The following SWAP70 variants were observed in gnomAD, a reference collection of about 807,000 sequenced individuals.
SWAP70 encodes the protein switching B cell complex subunit SWAP70.
In SWAP70, 34 loss-of-function variants were observed where a neutral mutation model predicts 80.2. The observed-to-expected ratio is 0.42, with a 90% CI of 0.32 to 0.56. The LOEUF (loss-of-function observed/expected upper bound fraction) is 0.56, where lower values mean the gene tolerates loss of function less well. Among genes scored for constraint, SWAP70 ranks in the 20% least tolerant of loss-of-function variants. The pLI is 0.09. For synonymous variants in SWAP70, 239 were observed against 238.5 expected (o/e 1.00, Z -0.02); for missense variants, 578 against 690.7 (o/e 0.84, Z 1.83).
chr11:9,694,323 T>C (rs1350905320), intron 2 of SWAP70, 37 bp downstream of exon 2: 1 of 1,558,158 alleles, frequency 6.4e-7, no homozygotes, highest in Admixed American at 1.9e-5. Context: ...TAGCATTGTT[T>C]GGTTTGCATG....
intron 7 of SWAP70, among the ~76,000 whole-genome samples, chr11:9,735,760 C>T (rs1466608967): frequency 6.6e-6 from 1 of 152,122 alleles, no homozygotes; most frequent in Non-Finnish European, 1.5e-5. Context: ...CAGGAGTTCC[C>T]TTGTGTGTGG....
intron 1 of SWAP70, among the ~76,000 whole-genome samples, chr11:9,675,371 GAGAGA>G (rs1850481018): frequency 2.2e-5 from 1 of 46,122 alleles, no homozygotes; most frequent in Non-Finnish European, 5.4e-5. Context: ...GAGAGAGAGA[GAGAGA>G]GAGAGAGAGA....
chr11:9,739,453 T>A (rs6483651), intron 8 of SWAP70, among the ~76,000 whole-genome samples: 15,128 of 152,244 alleles, frequency 0.099, 1,911 homozygotes, highest in East Asian at 0.28. Context: ...TTCTTTAAGT[T>A]CAGGATTATC....
chr11:9,725,659 C>A (rs1253935502), intron 4 of SWAP70, among the ~76,000 whole-genome samples: 1 of 149,010 alleles, frequency 6.7e-6, no homozygotes, highest in Non-Finnish European at 1.5e-5. Context: ...GCAACCTCCG[C>A]CTCCCGGGTT....
At chr11:9,741,956 A>G (rs982702010) in intron 9 of SWAP70, 1 of 149,540 alleles carries the variant, frequency 6.7e-6, no homozygotes, top group African/African-American at 2.4e-5. Context: ...AAAAAAAAAA[A>G]AAGTCTACTT....
At chr11:9,694,328 T>C (rs767862214) in intron 2 of SWAP70, 42 bp downstream of exon 2, 73 of 1,552,892 alleles carry the variant, frequency 4.7e-5, no homozygotes, top group Non-Finnish European at 6.0e-5. Context: ...TTGTTTGGTT[T>C]GCATGTTTCA....
At chr11:9,680,236 A>G (rs1850550431) in intron 1 of SWAP70, among the ~76,000 whole-genome samples, 1 of 152,212 alleles carries the variant, frequency 6.6e-6, no homozygotes, top group Admixed American at 6.5e-5. Flanking sequence ...ATATATAAAC[A>G]AGTTCTAGAG....
chr11:9,685,314 G>A (rs1043872725), intron 1 of SWAP70, among the ~76,000 whole-genome samples: 4 of 152,050 alleles, frequency 2.6e-5, no homozygotes, highest in Admixed American at 2.0e-4. Flanking sequence ...AATTTTACTG[G>A]TGCTTTCTAG....
intron 2 of SWAP70, among the ~76,000 whole-genome samples, chr11:9,701,565 C>G (rs1850832189): frequency 1.3e-5 from 2 of 150,990 alleles, no homozygotes; most frequent in Admixed American, 1.3e-4. Flanking sequence ...GGAGGATCAC[C>G]TGAGCCCAGG....
At chr11:9,667,586 AC>A (rs1330170926) in intron 1 of SWAP70, among the ~76,000 whole-genome samples, 10 of 151,660 alleles carry the variant, frequency 6.6e-5, no homozygotes, top group Non-Finnish European at 5.9e-5. Context: ...TTTTTTGGAG[AC>A]AAGGTCTTTT....
intron 2 of SWAP70, among the ~76,000 whole-genome samples, chr11:9,710,003 A>C (rs1302291482): frequency 1.3e-5 from 2 of 152,182 alleles, no homozygotes; most frequent in East Asian, 3.8e-4. Context: ...CATTCAGTGG[A>C]AGTGGATCAT....
At chr11:9,664,660 C>G (rs529151317) in intron 1 of SWAP70, among the ~76,000 whole-genome samples, 1 of 152,214 alleles carries the variant, frequency 6.6e-6, no homozygotes, top group African/African-American at 2.4e-5. Context: ...CAGAATTTTC[C>G]TCTTACTCCA....
intron 1 of SWAP70, among the ~76,000 whole-genome samples, chr11:9,666,882 G>A (rs2134410520): frequency 6.6e-6 from 1 of 151,860 alleles, no homozygotes; most frequent in Middle Eastern, 3.4e-3. Flanking sequence ...GTGCCACCAA[G>A]CCTGGCTAAT....
intron 8 of SWAP70, among the ~76,000 whole-genome samples, chr11:9,739,059 C>CCT (rs1281039428): frequency 6.6e-6 from 1 of 152,166 alleles, no homozygotes; most frequent in African/African-American, 2.4e-5. Flanking sequence ...TGGTATATCT[C>CCT]CTCTGTAATA....
intron 6 of SWAP70, among the ~76,000 whole-genome samples, chr11:9,730,624 T>C (rs1851285286): frequency 6.6e-6 from 1 of 152,194 alleles, no homozygotes; most frequent in Non-Finnish European, 1.5e-5. Flanking sequence ...AAAGTGGCCA[T>C]CTTGAGCTTG....
intron 9 of SWAP70, among the ~76,000 whole-genome samples, chr11:9,743,872 A>G (rs1000149433): frequency 3.3e-5 from 5 of 152,198 alleles, no homozygotes; most frequent in African/African-American, 9.6e-5. Flanking sequence ...GTCTCTTAAA[A>G]AGACAGTGTC....
At chr11:9,713,979 A>G (rs997559847) in intron 3 of SWAP70, among the ~76,000 whole-genome samples, 7 of 152,218 alleles carry the variant, frequency 4.6e-5, no homozygotes, top group East Asian at 3.8e-4. Context: ...GAGTGCTGGT[A>G]TACATGGGAA....
At chr11:9,694,108 T>G in intron 1 of SWAP70, 38 bp from the exon 2 acceptor site, 1 of 1,561,304 alleles carries the variant, frequency 6.4e-7, no homozygotes, top group Non-Finnish European at 8.7e-7. Context: ...ATGTGCTGGT[T>G]AGTGGGAGTC....
Position 9,675,388 on chromosome 11 carries a change from A to G in SWAP70, c.99+11110A>G, listed in dbSNP as rs1452877161. 8.2e-5 allele frequency among the ~76,000 whole-genome samples: 10 copies of G among 121,480 alleles called. 1 individual carries two copies. Among genetic ancestry groups the G allele is most frequent in the African/African-American group, 2.4e-4 (7 of 28,646 alleles). The allele number at this position is 121,480 out of a possible 152,430, so 79.7% of individuals were successfully genotyped here. ...GAGAGAGAGAGAGAGAGAGAGAGAGAGAGAGAGAGAGAGAGAGAGAGAGAG... is the reference window on the plus strand; with the variant it reads ...GAGAGAGAGAGAGAGAGAGAGAGAGGGAGAGAGAGAGAGAGAGAGAGAGAG... On this transcript the variant is annotated intron_variant, in intron 1 of 11. Coordinates refer to ENST00000318950, the MANE Select transcript of SWAP70 (RefSeq NM_015055.4).
Sources: allele counts gnomAD v4.1 joint callset (sites outside exome capture counted in the v4.1 genomes callset), GRCh38; gene constraint gnomAD v4.1.1; transcripts MANE v1.5; gene names NCBI Gene and HGNC (gene_info 2026-07-23, HGNC 2026-07-21).